CARMIL1: variants seen among roughly 807,000 people sequenced by gnomAD.
CARMIL1 encodes the protein F-actin-uncapping protein LRRC16A.
CARMIL1 carries 90 observed loss-of-function variants against 177.1 expected under a neutral mutation model. The observed-to-expected ratio is 0.51, with a 90% CI of 0.43 to 0.61. The LOEUF is 0.61. Ranked by LOEUF, CARMIL1 falls within the 20% of genes least tolerant of loss-of-function variation. CARMIL1 has a pLI of 0.00. For synonymous variants in CARMIL1, 577 were observed against 606.2 expected (o/e 0.95, Z 0.71); for missense variants, 1,380 against 1,667.0 (o/e 0.83, Z 3.00).
At chr6:25,507,961 A>G (rs536849520) in intron 17 of CARMIL1, among the ~76,000 whole-genome samples, 174 of 152,298 alleles carry the variant, frequency 1.1e-3, no homozygotes, top group Non-Finnish European at 2.0e-3. Context: ...TCATAAACCA[A>G]TACATTTATA....
intron 2 of CARMIL1, among the ~76,000 whole-genome samples, chr6:25,390,316 ATATATTTTT>A (rs1157450257): frequency 1.4e-4 from 6 of 42,212 alleles, no homozygotes; most frequent in African/African-American, 5.8e-4. Flanking sequence ...ATATATATAT[ATATATTTTT>A]TTTTTTTTTT....
intron 2 of CARMIL1, among the ~76,000 whole-genome samples, chr6:25,337,873 T>A (rs1786437134): frequency 6.6e-6 from 1 of 152,212 alleles, no homozygotes; most frequent in South Asian, 2.1e-4. Context: ...TGAAAAACAT[T>A]TTTTAACAAA....
Position 25,616,602 on chromosome 6 carries a change from C to A in CARMIL1, c.3980-2845C>A, listed in dbSNP as rs570953341. Reference sequence around the variant, plus strand: ...AAATGAATAAATGCTTGCATGCATACATACACGCATACATACATACATACA... The same window carrying A: ...AAATGAATAAATGCTTGCATGCATAAATACACGCATACATACATACATACA... On this transcript the variant is annotated intron_variant, in intron 36 of 36. Coordinates refer to ENST00000329474, the MANE Select transcript of CARMIL1 (RefSeq NM_017640.6). 5.9e-5 allele frequency among the ~76,000 whole-genome samples: 9 copies of A among 152,268 alleles called. No individual in the cohort carries two copies. In the East Asian group the frequency reaches 1.7e-3, roughly 29 times the overall value.
chr6:25,420,116 C>G lies in CARMIL1; in HGVS notation c.141C>G (p.Val47=), dbSNP rs913455. Residue 47 remains valine (V), a splice_region_variant and synonymous_variant, in exon 3 of 37, where the codon GTC becomes GTG. Coordinates refer to ENST00000329474, the MANE Select transcript of CARMIL1 (RefSeq NM_017640.6). ...ATGCTGCTGCTTCTGTCTTACAGGT[C>G]CTTACATCATGCCGAGCCTTCCTTG... The part of the protein sequence containing the change: ...KGDKVENKVL[V]LTSCRAFLVT... 0.93 allele frequency: 1,501,808 copies of G among 1,611,852 alleles called. 700,470 individuals are homozygous for G. The highest frequency in any genetic ancestry group is 1 in the East Asian group (44,856 of 44,862).
At position 25,495,179 on chromosome 6, in the gene CARMIL1, A is replaced by T. The variant is rs1239116869; in HGVS notation, c.1289A>T (p.Asn430Ile). 1.2e-6 allele frequency: 2 copies of T among 1,613,352 alleles called. No homozygotes were observed. The highest frequency in any genetic ancestry group is 1.7e-5 in the Admixed American group (1 of 59,930). Reference sequence around the variant, plus strand: ...AGTTCTCTGGCTTTGATGCACATCAACCTTTCAGGCACAAAACTGTCTCCT... The same window carrying T: ...AGTTCTCTGGCTTTGATGCACATCATCCTTTCAGGCACAAAACTGTCTCCT... ...FSSSLALMHI[N>I]LSGTKLSPEP... The change falls in exon 16 of 37, where the codon AAC becomes ATC. Residue 430 changes from asparagine (N) to isoleucine (I), a missense_variant. Coordinates refer to ENST00000329474, the MANE Select transcript of CARMIL1 (RefSeq NM_017640.6).
rs115951099 is a variant in CARMIL1 at position 25,513,174 on chromosome 6, G to A, written c.1632+2412G>A. 4.3e-3 allele frequency among the ~76,000 whole-genome samples: 657 copies of A among 152,200 alleles called. 3 individuals carry two copies. The highest frequency in any genetic ancestry group is 0.015 in the African/African-American group (630 of 41,522). ...GAAGAAGCTATAATATATCATTTTC[G>A]TAGTAATTGAATCAAGATTATTGAA... On this transcript the variant is annotated intron_variant, in intron 20 of 36. Coordinates refer to ENST00000329474, the MANE Select transcript of CARMIL1 (RefSeq NM_017640.6).
At chr6:25,398,981 T>TA (rs1451171343) in intron 2 of CARMIL1, among the ~76,000 whole-genome samples, 3 of 152,328 alleles carry the variant, frequency 2.0e-5, no homozygotes, top group Admixed American at 6.5e-5. Flanking sequence ...GGTACCTTCC[T>TA]CATGGAGTTA....
Position 25,279,904 on chromosome 6 carries a change from C to T in CARMIL1, c.40+69C>T, listed in dbSNP as rs183594257. 420 of 1,543,366 alleles carry T rather than the reference C, an allele frequency of 2.7e-4. 3 individuals carry two copies. In the African/African-American group the frequency reaches 4.7e-3, roughly 17 times the overall value. On this transcript the variant is annotated intron_variant, in intron 1 of 36. Coordinates refer to ENST00000329474, the MANE Select transcript of CARMIL1 (RefSeq NM_017640.6). ...CTCCTCACCTCTCTCTCCCTTCCCA[C>T]CTCTGCTTTCCCGCAGGTCTCGAGA...
chr6:25,420,863 G>C (rs1035123782), intron 3 of CARMIL1, among the ~76,000 whole-genome samples: 1 of 152,096 alleles, frequency 6.6e-6, no homozygotes, highest in Non-Finnish European at 1.5e-5. Flanking sequence ...ATATGATATT[G>C]ACTGAATGGT....
intron 23 of CARMIL1, among the ~76,000 whole-genome samples, chr6:25,524,352 C>G (rs1806881071): frequency 6.6e-6 from 1 of 152,152 alleles, no homozygotes; most frequent in Non-Finnish European, 1.5e-5. Context: ...TACAACTGAG[C>G]AAACTGCAAG....
At chr6:25,349,807 C>T (rs1035296317) in intron 2 of CARMIL1, among the ~76,000 whole-genome samples, 6 of 148,254 alleles carry the variant, frequency 4.0e-5, no homozygotes, top group Non-Finnish European at 5.9e-5. Flanking sequence ...CGGCTCACTG[C>T]AACCTCCAAC....
chr6:25,285,461 C>G (rs1314010401), intron 2 of CARMIL1, among the ~76,000 whole-genome samples: 2 of 152,128 alleles, frequency 1.3e-5, no homozygotes, highest in Non-Finnish European at 2.9e-5. Context: ...GGGGTTCCTT[C>G]TAGTTTGTGA....
At chr6:25,528,756 G>A (rs541065260) in intron 23 of CARMIL1, 39 bp from the exon 24 acceptor site, 4 of 1,412,046 alleles carry the variant, frequency 2.8e-6, no homozygotes, top group Non-Finnish European at 3.9e-6. Context: ...CCGCTGGGTT[G>A]AAATGTATTC....
At chr6:25,338,371 G>C (rs12204354) in intron 2 of CARMIL1, among the ~76,000 whole-genome samples, 65,023 of 151,770 alleles carry the variant, frequency 0.43, 14,101 homozygotes, top group African/African-American at 0.51. Flanking sequence ...CTTGCTATGA[G>C]AGTGTGCTGC....
chr6:25,307,018 A>G (rs922292913), intron 2 of CARMIL1, among the ~76,000 whole-genome samples: 1 of 150,778 alleles, frequency 6.6e-6, no homozygotes, highest in African/African-American at 2.4e-5. Context: ...AGCTTGGCTT[A>G]CAGGCGCCTG....
intron 3 of CARMIL1, among the ~76,000 whole-genome samples, chr6:25,420,816 T>G (rs993826374): frequency 2.6e-5 from 4 of 152,244 alleles, no homozygotes; most frequent in Non-Finnish European, 5.9e-5. Context: ...TAATGACTTA[T>G]TTTGTTTATG....
At chr6:25,328,284 C>G (rs1019940845) in intron 2 of CARMIL1, among the ~76,000 whole-genome samples, 1 of 152,024 alleles carries the variant, frequency 6.6e-6, no homozygotes, top group African/African-American at 2.4e-5. Flanking sequence ...TAAAGGAGAT[C>G]GAGTCATGGT....
At chr6:25,417,811 C>CT (rs767616738) in intron 2 of CARMIL1, among the ~76,000 whole-genome samples, 18 of 152,230 alleles carry the variant, frequency 1.2e-4, no homozygotes, top group Non-Finnish European at 1.8e-4. Flanking sequence ...GAGTTCATCA[C>CT]TGAGTCTCAA....
chr6:25,569,659 C>T (rs1811887167), intron 29 of CARMIL1, among the ~76,000 whole-genome samples: 1 of 152,138 alleles, frequency 6.6e-6, no homozygotes, highest in South Asian at 2.1e-4. Context: ...CATTATAAAG[C>T]TGATATTCCA....
Sources: allele counts gnomAD v4.1 joint callset (sites outside exome capture counted in the v4.1 genomes callset), GRCh38; gene constraint gnomAD v4.1.1; transcripts MANE v1.5; gene names NCBI Gene and HGNC (gene_info 2026-07-23, HGNC 2026-07-21).